Variants in DPAGT1 observed in about 807,000 individuals in gnomAD.
DPAGT1 encodes UDP-N-acetylglucosamine--dolichyl-phosphate N-acetylglucosaminephosphotransferase.
In DPAGT1, 25 loss-of-function variants were observed where a neutral mutation model predicts 39.3. That is an observed-to-expected ratio of 0.64 (90% CI 0.46 to 0.89). The LOEUF (loss-of-function observed/expected upper bound fraction) is 0.89. Among genes scored for constraint, DPAGT1 ranks in the 40% least tolerant of loss-of-function variants. DPAGT1 has a pLI of 0.00. For synonymous variants in DPAGT1, 193 were observed against 201.4 expected (o/e 0.96, Z 0.36); for missense variants, 381 against 500.6 (o/e 0.76, Z 2.28).
In DPAGT1 at chr11:119,097,953, C is replaced by T; in HGVS notation, c.819G>A (p.Lys273=). 2 of 1,614,202 alleles carry T rather than the reference C, an allele frequency of 1.2e-6. No individual in the cohort carries two copies. Among genetic ancestry groups the T allele is most frequent in the Non-Finnish European group, 1.7e-6 (2 of 1,180,052 alleles). The change falls in exon 6 of 9, where the codon AAG becomes AAA. Residue 273 remains lysine (K), a synonymous_variant. Coordinates refer to ENST00000354202, the MANE Select transcript of DPAGT1 (RefSeq NM_001382.4). This position sits in a 1 kb window ranked among gnomAD's most constrained non-coding sequence, Gnocchi z 4.6. ...GGGGCATGAAGAATAGTAGCATGGT[C>T]TTGCTGAAGTGTCCCAAGATGCCCA... is the stretch of plus-strand genomic sequence containing the variant. ...AVVGILGHFS[K]TMLLFFMPQV...
rs2134897849 is a variant in DPAGT1 at position 119,097,145 on chromosome 11, C to T, written c.1158G>A (p.Leu386=). Residue 386 remains leucine (L), a synonymous_variant, in exon 8 of 9, where the codon CTG becomes CTA. Transcript: ENST00000354202. This position sits in a 1 kb window ranked among gnomAD's most constrained non-coding sequence, Gnocchi z 4.6. ...TAAACTCGATTCCCATCCTCACCTGCAGCAGCAGCAGGAGCAATGTGAGGT... is the reference window on the plus strand; with the variant it reads ...TAAACTCGATTCCCATCCTCACCTGTAGCAGCAGCAGGAGCAATGTGAGGT... ...ERNLTLLLLL[L]QILGSAITFS... The T allele has an allele frequency of 6.2e-7, 1 of 1,614,096 alleles. No individual in the cohort carries two copies. Among genetic ancestry groups the T allele is most frequent in the Non-Finnish European group, 8.5e-7 (1 of 1,179,984 alleles).
At chr11:119,095,451 C>T (rs1426385496), downstream of DPAGT1, 15 of 1,458,966 alleles carry the variant, frequency 1.0e-5, no homozygotes, top group African/African-American at 1.4e-5. Context: ...AGACGCCCGC[C>T]GCAGTGTAAC....
Position 119,101,812 on chromosome 11 carries a change from C to T in DPAGT1, c.-157G>A. 2 of 1,512,320 alleles carry T rather than the reference C, an allele frequency of 1.3e-6. No homozygotes were observed. Among genetic ancestry groups the T allele is most frequent in the Non-Finnish European group, 1.8e-6 (2 of 1,131,242 alleles). The allele number at this position is 1,512,320 out of a possible 1,614,324, so 93.7% of individuals were successfully genotyped here. A position where few individuals can be genotyped will look rare whatever the true frequency, so the allele number is the denominator to read the frequency against. On this transcript the variant is annotated 5_prime_UTR_variant, in exon 1 of 9. Transcript: ENST00000354202. ...ACCCAGCAACTCTGACTTGAGCCGC[C>T]GTCGGGACACCGGGGAACCTCTCTA...
At chr11:119,099,066 T>C (rs1193089001) in intron 4 of DPAGT1, among the ~76,000 whole-genome samples, 1 of 152,074 alleles carries the variant, frequency 6.6e-6, no homozygotes, top group Non-Finnish European at 1.5e-5. Context: ...AGCGTTTGTT[T>C]TGGGTATTTT....
At position 119,100,282 on chromosome 11, in the gene DPAGT1, A is replaced by C; in HGVS notation, c.623T>G (p.Phe208Cys). The C allele has an allele frequency of 6.2e-7, 1 of 1,614,172 alleles. No homozygotes were observed. Among genetic ancestry groups the C allele is most frequent in the African/African-American group, 1.3e-5 (1 of 75,034 alleles). The change falls in exon 4 of 9, where the codon TTC becomes TGC. Residue 208 changes from phenylalanine (F) to cysteine (C), a missense_variant. Phe to Cys is a radical substitution (Grantham distance 205). Transcript: ENST00000354202. ...CCTACCTTCCAACTCTACCAGGTTG[A>C]AGACAATGATGGAAGCAGAAATGAC... ...SLVISASIIVFNLVELEGDCR... is the reference protein window; with the variant it reads ...SLVISASIIVCNLVELEGDCR...
intron 1 of DPAGT1, 50 bp downstream of exon 1, chr11:119,101,445 C>T (rs995138320): frequency 1.4e-5 from 22 of 1,613,504 alleles, no homozygotes; most frequent in African/African-American, 2.7e-5. Flanking sequence ...GCCCTAGCCA[C>T]TCCTTCCTTA....
rs1247628394 is a variant in DPAGT1, at chr11:119,097,109, A to G, written c.1161+33T>C. 6.2e-7 allele frequency: 1 copy of G among 1,614,186 alleles called. No individual in the cohort carries two copies. The highest frequency in any genetic ancestry group is 1.1e-5 in the South Asian group (1 of 91,082). On this transcript the variant is annotated intron_variant, in intron 8 of 8. Transcript: ENST00000354202. This position sits in a 1 kb window ranked among gnomAD's most constrained non-coding sequence, Gnocchi z 4.6. ...GAGTAAGAATCACGCAGAAAGGGAG[A>G]CACGGAGGTATAAACTCGATTCCCA...
intron 5 of DPAGT1, 146 bp from the exon 6 acceptor site, chr11:119,098,189 A>G (rs1946433305): frequency 8.2e-7 from 1 of 1,213,732 alleles, no homozygotes; most frequent in Non-Finnish European, 1.2e-6. Flanking sequence ...TGCAGGATCC[A>G]AGGCCCTGAA....
rs761472461 is a variant in DPAGT1, at chr11:119,097,879, G to A, written c.893C>T (p.Pro298Leu). ...CCTGGGTATGCGGTGGCGAGGGCAG[G>A]GGATGATATGCAGGAGCTGAGGCAG... ...YSLPQLLHIIPCPRHRIPRLN... is the reference protein window; with the variant it reads ...YSLPQLLHIILCPRHRIPRLN... Residue 298 changes from proline to leucine, a missense_variant, in exon 6 of 9, where the codon CCC (proline) becomes CTC (leucine). Coordinates refer to ENST00000354202, the MANE Select transcript of DPAGT1 (RefSeq NM_001382.4). The surrounding 1 kb of genome is among the most constrained non-coding windows in gnomAD (Gnocchi z 4.6). 1 of 1,614,022 alleles carries A rather than the reference G, an allele frequency of 6.2e-7. No homozygotes were observed. The highest frequency in any genetic ancestry group is 8.5e-7 in the Non-Finnish European group (1 of 1,180,004).
At position 119,097,438 on chromosome 11, in the gene DPAGT1, G is replaced by A. The variant is rs763778104; in HGVS notation, c.1005+26C>T. On this transcript the variant is annotated intron_variant, in intron 7 of 8. Coordinates refer to ENST00000354202, the MANE Select transcript of DPAGT1 (RefSeq NM_001382.4). This position sits in a 1 kb window ranked among gnomAD's most constrained non-coding sequence, Gnocchi z 4.6. ...CTCAAGGTCAGGATGGCAGCCTAGGGCCTTACCTCCTTGTTACCCTGTTAC... is the reference window on the plus strand; with the variant it reads ...CTCAAGGTCAGGATGGCAGCCTAGGACCTTACCTCCTTGTTACCCTGTTAC... 16 of 1,613,766 alleles carry A rather than the reference G, an allele frequency of 9.9e-6. No homozygotes were observed. The South Asian group carries it at 1.8e-4, about 18-fold the overall frequency.
Position 119,097,980 on chromosome 11 carries a change from C to G in DPAGT1, c.792G>C (p.Val264=), listed in dbSNP as rs1380494283. ...TGCTGAAGTGTCCCAAGATGCCCACCACGGCAAAGGTCATGCCAGCAAAGT... is the reference window on the plus strand; with the variant it reads ...TGCTGAAGTGTCCCAAGATGCCCACGACGGCAAAGGTCATGCCAGCAAAGT... The part of the protein sequence containing the change: ...FCYFAGMTFA[V]VGILGHFSKT... Residue 264 remains valine (V), a synonymous_variant, in exon 6 of 9, where the codon GTG becomes GTC. Transcript: ENST00000354202. The surrounding 1 kb of genome is among the most constrained non-coding windows in gnomAD (Gnocchi z 4.6). 2 of 1,614,196 alleles carry G rather than the reference C, an allele frequency of 1.2e-6. No individual in the cohort carries two copies. Among genetic ancestry groups the G allele is most frequent in the East Asian group, 4.5e-5 (2 of 44,888 alleles).
Position 119,097,543 on chromosome 11 carries a change from A to G in DPAGT1, c.926T>C (p.Ile309Thr). The G allele has an allele frequency of 6.2e-7, 1 of 1,614,130 alleles. No homozygotes were observed. ...GCTCATCTCCAGTTTGCCTGTCTTGATATTGAGTCTGCGGGGGGAAGATAG... is the reference window on the plus strand; with the variant it reads ...GCTCATCTCCAGTTTGCCTGTCTTGGTATTGAGTCTGCGGGGGGAAGATAG... ...CPRHRIPRLNIKTGKLEMSYS... is the reference protein window; with the variant it reads ...CPRHRIPRLNTKTGKLEMSYS... Residue 309 changes from isoleucine to threonine, a missense_variant, in exon 7 of 9, where the codon ATC becomes ACC. Physicochemically the swap from Ile to Thr is moderately conservative, Grantham distance 89 (BLOSUM62 -1). Transcript: ENST00000354202. The surrounding 1 kb of genome is among the most constrained non-coding windows in gnomAD (Gnocchi z 4.6).
chr11:119,094,817 A>C, downstream of DPAGT1: 1 of 787,552 alleles, frequency 1.3e-6, no homozygotes. Flanking sequence ...AAGGCGGGCG[A>C]GGGGAGGGGA....
chr11:119,095,970 CTTTT>C (rs1034864534), downstream of DPAGT1, among the ~76,000 whole-genome samples: 1 of 151,656 alleles, frequency 6.6e-6, no homozygotes, highest in Non-Finnish European at 1.5e-5. Context: ...TTCTTTCTTT[CTTTT>C]TTTAATAGAC....
downstream of DPAGT1, chr11:119,094,911 G>A: frequency 1.3e-6 from 2 of 1,526,158 alleles, no homozygotes; most frequent in Non-Finnish European, 1.8e-6. Flanking sequence ...CCTTAAAAGG[G>A]CCTTTGTGGT....
In DPAGT1 at chr11:119,100,758, C is replaced by A. The variant is rs1453490446; in HGVS notation, c.368G>T (p.Arg123Leu). Reference sequence around the variant, plus strand: ...AGCTGTAGGTAGCAGCAGCTTATGGCGCCAGCGCAGATTCAGTACATCATC... The same window carrying A: ...AGCTGTAGGTAGCAGCAGCTTATGGAGCCAGCGCAGATTCAGTACATCATC... The part of the protein sequence containing the change: ...FADDVLNLRW[R>L]HKLLLPTAAS... Residue 123 changes from arginine to leucine, a missense_variant, in exon 3 of 9, where the codon CGC becomes CTC. Coordinates refer to ENST00000354202, the MANE Select transcript of DPAGT1 (RefSeq NM_001382.4). 1 of 1,614,104 alleles carries A rather than the reference C, an allele frequency of 6.2e-7. No individual in the cohort carries two copies. The highest frequency in any genetic ancestry group is 8.5e-7 in the Non-Finnish European group (1 of 1,180,016).
At chr11:119,101,398 T>G (rs1204468041) in intron 1 of DPAGT1, 97 bp downstream of exon 1, 7 of 1,604,516 alleles carry the variant, frequency 4.4e-6, no homozygotes, top group Non-Finnish European at 6.0e-6. Context: ...TAGTTCTGAG[T>G]CTTCACGTGT....
At chr11:119,094,259 G>T (rs1245546119), downstream of DPAGT1, 1 of 152,408 alleles carries the variant, frequency 6.6e-6, no homozygotes, top group Non-Finnish European at 1.5e-5. Flanking sequence ...CCCCAGCGCA[G>T]ACCTATGAAT....
chr11:119,097,918 T>C lies in DPAGT1; in HGVS notation c.854A>G (p.Asn285Ser), dbSNP rs1946426562. 1 of 1,614,154 alleles carries C rather than the reference T, an allele frequency of 6.2e-7. No individual in the cohort carries two copies. Residue 285 changes from asparagine to serine, a missense_variant, in exon 6 of 9, where the codon AAC (asparagine) becomes AGC (serine). Physicochemically the swap from Asn to Ser is conservative, Grantham distance 46 (BLOSUM62 1). Transcript: ENST00000354202. The surrounding 1 kb of genome is among the most constrained non-coding windows in gnomAD (Gnocchi z 4.6). ...MLLFFMPQVF[N>S]FLYSLPQLLH... is the part of the protein sequence containing the mutation. ...GAGCTGAGGCAGTGAGTAGAGGAAGTTGAACACCTGGGGCATGAAGAATAG... is the reference window on the plus strand; with the variant it reads ...GAGCTGAGGCAGTGAGTAGAGGAAGCTGAACACCTGGGGCATGAAGAATAG...
Sources: gnomAD v4.1 joint callset for allele counts (sites outside exome capture counted in the v4.1 genomes callset) on GRCh38, gnomAD v4.1.1 for gene constraint, Gnocchi (gnomAD v3.1) non-coding constraint, MANE v1.5 for transcripts, NCBI Gene and HGNC (gene_info 2026-07-23, HGNC 2026-07-21) for gene names.